NARS2: variants seen among roughly 807,000 people sequenced by gnomAD.
NARS2 encodes asparaginyl-tRNA synthetase.
A neutral mutation model predicts 62.9 loss-of-function variants in NARS2; 60 were observed. That is an observed-to-expected ratio of 0.95 (90% CI 0.77 to 1.18). NARS2 has a LOEUF of 1.18. Among genes scored for constraint, NARS2 ranks in the 50% most tolerant of loss-of-function variants. NARS2 has a pLI of 0.00. For missense variants in NARS2, 619 were observed against 576.4 expected (o/e 1.07, Z -0.76); for synonymous variants, 196 against 200.0 (o/e 0.98, Z 0.17).
intron 5 of NARS2, among the ~76,000 whole-genome samples, chr11:78,545,194 TATC>T (rs1466996464): frequency 6.6e-6 from 1 of 152,232 alleles, no homozygotes; most frequent in African/African-American, 2.4e-5. Flanking sequence ...AAAAAGTTTA[TATC>T]ATCTACATTT....
In NARS2 at chr11:78,497,241, G is replaced by GCAAAAAAAAAAAAAAAAAAAAAAAAA. The variant is rs1555023813; in HGVS notation, c.690-4047_690-4046insTTTTTTTTTTTTTTTTTTTTTTTTTG. Among the ~76,000 whole-genome samples the GCAAAAAAAAAAAAAAAAAAAAAAAAA allele has an allele frequency of 1.9e-5, 2 of 107,316 alleles. 1 individual carries two copies. 70.4% of individuals were successfully genotyped at this position (107,316 alleles called of 152,430 possible). A position where few individuals can be genotyped will look rare whatever the true frequency, so the allele number is the denominator to read the frequency against. ...TCTTTGGAAAATAAAAAGCAAAATT[G>GCAAAAAAAAAAAAAAAAAAAAAAAAA]AAAAAAAAAAAAAAAAAAAAGGTTC... is the stretch of plus-strand genomic sequence containing the variant. On this transcript the variant is annotated intron_variant, in intron 6 of 13. Coordinates refer to ENST00000281038, the MANE Select transcript of NARS2 (RefSeq NM_024678.6).
intron 5 of NARS2, among the ~76,000 whole-genome samples, chr11:78,542,086 A>G (rs905411722): frequency 6.6e-6 from 1 of 152,190 alleles, no homozygotes; most frequent in Non-Finnish European, 1.5e-5. Context: ...TATAAAAATA[A>G]TCTTTCTTAA....
chr11:78,453,550 C>T (rs1221929903), intron 11 of NARS2, among the ~76,000 whole-genome samples: 2 of 152,190 alleles, frequency 1.3e-5, no homozygotes, highest in African/African-American at 2.4e-5. Context: ...ATGGCCCTTC[C>T]TCTGCCACCT....
chr11:78,518,179 T>C (rs1254871031), intron 6 of NARS2, among the ~76,000 whole-genome samples: 2 of 152,188 alleles, frequency 1.3e-5, no homozygotes, highest in Admixed American at 1.3e-4. Flanking sequence ...TCACATAGCA[T>C]TTAATGGTTT....
chr11:78,452,555 C>T (rs1194875253), intron 11 of NARS2, among the ~76,000 whole-genome samples: 1 of 152,028 alleles, frequency 6.6e-6, no homozygotes, highest in Non-Finnish European at 1.5e-5. Context: ...ATTACAGGCA[C>T]AGGTTACCAC....
At chr11:78,526,160 T>G (rs907796484) in intron 6 of NARS2, among the ~76,000 whole-genome samples, 1 of 152,154 alleles carries the variant, frequency 6.6e-6, no homozygotes, top group South Asian at 2.1e-4. Context: ...TTTTGACAAA[T>G]GTATCATGGT....
chr11:78,446,231 A>T (rs1857755686), intron 11 of NARS2, among the ~76,000 whole-genome samples: 1 of 152,202 alleles, frequency 6.6e-6, no homozygotes, highest in Non-Finnish European at 1.5e-5. Context: ...TACTTTATGA[A>T]TAATCAACAA....
intron 11 of NARS2, among the ~76,000 whole-genome samples, chr11:78,446,275 G>A (rs1311261960): frequency 6.6e-6 from 1 of 152,140 alleles, no homozygotes; most frequent in African/African-American, 2.4e-5. Flanking sequence ...CCCCAGTGCT[G>A]TATACCTTAT....
At chr11:78,563,843 A>G (rs1182178512) in intron 4 of NARS2, among the ~76,000 whole-genome samples, 1 of 75,290 alleles carries the variant, frequency 1.3e-5, no homozygotes, top group Non-Finnish European at 2.6e-5. Context: ...AAAAAAAAAA[A>G]AAAAAAAAAT....
At chr11:78,544,707 C>T (rs1030129468) in intron 5 of NARS2, among the ~76,000 whole-genome samples, 11 of 144,600 alleles carry the variant, frequency 7.6e-5, no homozygotes, top group East Asian at 2.0e-4. Flanking sequence ...GGCAGGAGAA[C>T]GGCGTGAACC....
At chr11:78,525,429 G>A (rs1861261563) in intron 6 of NARS2, among the ~76,000 whole-genome samples, 1 of 152,108 alleles carries the variant, frequency 6.6e-6, no homozygotes, top group Non-Finnish European at 1.5e-5. Flanking sequence ...AAGTACAGGG[G>A]CGTATCAAAG....
intron 5 of NARS2, among the ~76,000 whole-genome samples, chr11:78,537,852 CTTAA>C (rs1855427745): frequency 6.6e-6 from 1 of 152,222 alleles, no homozygotes. Flanking sequence ...GTTTGTCTGA[CTTAA>C]TTATCACATT....
At chr11:78,441,138 T>C (rs1181507428) in intron 12 of NARS2, 21 bp from the exon 13 acceptor site, 4 of 1,605,472 alleles carry the variant, frequency 2.5e-6, no homozygotes, top group Admixed American at 1.7e-5. Flanking sequence ...GAAAATAAAA[T>C]TCTTTCAGGG....
rs575615849 is a variant in NARS2 at position 78,534,994 on chromosome 11, T to C, written c.595-6058A>G. Among the ~76,000 whole-genome samples the C allele has an allele frequency of 2.0e-5, 3 of 152,270 alleles. No individual in the cohort carries two copies. In the South Asian group the frequency reaches 6.2e-4, roughly 32 times the overall value. On this transcript the variant is annotated intron_variant, in intron 5 of 13. Coordinates refer to ENST00000281038, the MANE Select transcript of NARS2 (RefSeq NM_024678.6). ...CCTCTAAATTAATACAGTATATTAGTGGTACACAAGTAAACCTGTGGGATA... is the reference window on the plus strand; with the variant it reads ...CCTCTAAATTAATACAGTATATTAGCGGTACACAAGTAAACCTGTGGGATA...
chr11:78,556,998 G>A (rs376988557), intron 5 of NARS2, among the ~76,000 whole-genome samples: 1 of 152,188 alleles, frequency 6.6e-6, no homozygotes, highest in African/African-American at 2.4e-5. Flanking sequence ...CTTGAACACA[G>A]ATGGCACCAA....
chr11:78,448,319 CT>C (rs72450922), intron 11 of NARS2, among the ~76,000 whole-genome samples: 99 of 140,944 alleles, frequency 7.0e-4, no homozygotes, highest in Non-Finnish European at 7.1e-4. Flanking sequence ...GTAGTAATCA[CT>C]TTTTTTTTTT....
At chr11:78,539,611 A>G (rs1399276594) in intron 5 of NARS2, among the ~76,000 whole-genome samples, 1 of 152,166 alleles carries the variant, frequency 6.6e-6, no homozygotes, top group African/African-American at 2.4e-5. Flanking sequence ...GCAGATAAAC[A>G]GTTTGGCAGT....
Position 78,497,647 on chromosome 11 carries a change from T to C in NARS2, c.690-4452A>G, listed in dbSNP as rs1860117798. Among the ~76,000 whole-genome samples the C allele has an allele frequency of 7.2e-5, 11 of 152,208 alleles. No homozygotes were observed. In the South Asian group the frequency reaches 2.3e-3, roughly 32 times the overall value. Reference sequence around the variant, plus strand: ...GGAAAATGAACATCTATTTTACTACTGTTTTGTGTTCACTGGATTGTCAAT... The same window carrying C: ...GGAAAATGAACATCTATTTTACTACCGTTTTGTGTTCACTGGATTGTCAAT... On this transcript the variant is annotated intron_variant, in intron 6 of 13. Coordinates refer to ENST00000281038, the MANE Select transcript of NARS2 (RefSeq NM_024678.6).
chr11:78,566,146 G>A lies in NARS2; in HGVS notation c.499C>T (p.His167Tyr), dbSNP rs562673071. Residue 167 changes from histidine to tyrosine, a missense_variant, in exon 4 of 14, where the codon CAT becomes TAT. Coordinates refer to ENST00000281038, the MANE Select transcript of NARS2 (RefSeq NM_024678.6). ...RIRSEATAAI[H>Y]SFFKDSGFVH... ...TAGGATCTTACCTTAAAGAAAGAAT[G>A]AATAGCAGCTGTCGCTTCACTGCGA... is the stretch of plus-strand genomic sequence containing the variant. The A allele has an allele frequency of 4.4e-6, 7 of 1,608,646 alleles. No individual in the cohort carries two copies. Among genetic ancestry groups the A allele is most frequent in the African/African-American group, 4.0e-5 (3 of 74,812 alleles).
Sources: gnomAD v4.1 joint callset for allele counts (sites outside exome capture counted in the v4.1 genomes callset) on GRCh38, gnomAD v4.1.1 for gene constraint, MANE v1.5 for transcripts, NCBI Gene and HGNC (gene_info 2026-07-23, HGNC 2026-07-21) for gene names.